Variants in UBR3 observed in about 807,000 individuals in gnomAD.
UBR3 encodes the protein ubiquitin protein ligase E3 component n-recognin 3, also known as E3 ubiquitin-protein ligase UBR3.
Under a neutral mutation model 243.2 loss-of-function variants are expected in UBR3, and 85 were observed. The ratio of observed to expected loss-of-function variants is 0.35; its 90% confidence interval spans 0.29 to 0.42. UBR3 has a LOEUF of 0.42. Ranked by LOEUF, UBR3 falls within the 10% of genes least tolerant of loss-of-function variation. UBR3 has a pLI of 1.00. For missense variants in UBR3, 1,686 were observed against 2,300.8 expected, an observed-to-expected ratio of 0.73 and a Z score of 5.47; for synonymous variants, 748 against 799.8, an observed-to-expected ratio of 0.94 and a Z score of 1.09.
rs1394725941 is a variant in UBR3, at chr2:169,836,058, TATA to T, written c.545+8007_545+8009del. On this transcript the variant is annotated intron_variant, in intron 1 of 38. Coordinates refer to ENST00000272793, the MANE Select transcript of UBR3 (RefSeq NM_172070.4). The stretch of plus-strand genomic sequence containing the variant: ...CTCTCTCTCTCTATATATATATATA[TATA>T]TATATATTTTTTTTTTTTTTTTTTT... Among the ~76,000 whole-genome samples, 46 of 58,182 alleles carry T rather than the reference TATA, an allele frequency of 7.9e-4. 1 individual carries two copies. Among genetic ancestry groups the T allele is most frequent in the South Asian group, 1.2e-3 (2 of 1,610 alleles). 38.2% of individuals were successfully genotyped at this position (58,182 alleles called of 152,430 possible). A position where few individuals can be genotyped will look rare whatever the true frequency, so the allele number is the denominator to read the frequency against.
chr2:170,012,570 A>T (rs1031336790), intron 29 of UBR3, among the ~76,000 whole-genome samples: 14 of 152,160 alleles, frequency 9.2e-5, no homozygotes, highest in African/African-American at 3.4e-4. Context: ...GAAATATAAA[A>T]TATGTGTAAG....
At chr2:169,944,933 A>T (rs1574257798) in intron 20 of UBR3, among the ~76,000 whole-genome samples, 1 of 152,172 alleles carries the variant, frequency 6.6e-6, no homozygotes, top group African/African-American at 2.4e-5. Context: ...TCTCCATAAC[A>T]TAGTGGATCA....
chr2:170,009,006 A>AAATC, intron 29 of UBR3, 66 bp downstream of exon 29: 1 of 1,087,280 alleles, frequency 9.2e-7, no homozygotes, highest in Non-Finnish European at 1.2e-6. Flanking sequence ...TTATTTAATA[A>AAATC]ATATTTGTTT....
At chr2:169,962,749 C>CT (rs11355793) in intron 24 of UBR3, among the ~76,000 whole-genome samples, 3 of 151,740 alleles carry the variant, frequency 2.0e-5, no homozygotes, top group South Asian at 4.2e-4. Context: ...TAGGGTGTTT[C>CT]TTTTTTTTCT....
chr2:170,079,802 A>T lies in UBR3; in HGVS notation c.5200-12A>T. The T allele has an allele frequency of 1.3e-6, 2 of 1,597,836 alleles. No individual in the cohort carries two copies. The highest frequency in any genetic ancestry group is 1.1e-5 in the South Asian group (1 of 87,874). ...ACATAAAACTAATGAATATTTTTGG[A>T]TAATGTTTTAGGCCTTGCTTATCCA... On this transcript the variant is annotated splice_polypyrimidine_tract_variant and intron_variant, in intron 36 of 38. Transcript: ENST00000272793.
At chr2:170,001,918 A>AAAAAAAAAAAAAAAAAAAAAAAAAAAAC (rs2089718950) in intron 27 of UBR3, among the ~76,000 whole-genome samples, 1 of 53,172 alleles carries the variant, frequency 1.9e-5, no homozygotes, top group Non-Finnish European at 4.8e-5. Flanking sequence ...ATCTCAAAAA[A>AAAAAAAAAAAAAAAAAAAAAAAAAAAAC]AAAAAAAAAA....
chr2:169,868,939 C>T (rs1028914600), intron 1 of UBR3, among the ~76,000 whole-genome samples: 1 of 152,102 alleles, frequency 6.6e-6, no homozygotes, highest in African/African-American at 2.4e-5. Context: ...CCTTTATTCC[C>T]CTCTGTCACT....
At chr2:170,049,289 T>G (rs1424943952) in intron 32 of UBR3, among the ~76,000 whole-genome samples, 7 of 152,200 alleles carry the variant, frequency 4.6e-5, no homozygotes, top group Non-Finnish European at 1.0e-4. Flanking sequence ...AGAGAAAATA[T>G]ATTTACTATT....
rs1412139928 is a variant in UBR3 at position 169,971,386 on chromosome 2, A to G, written c.3634+12860A>G. The stretch of plus-strand genomic sequence containing the variant: ...TGCCATTGCTTTTGGTGTTTTAGAC[A>G]TGAAGTCCTTGCCCATGCCTATGTC... On this transcript the variant is annotated intron_variant, in intron 24 of 38. Transcript: ENST00000272793. Among the ~76,000 whole-genome samples, 6 of 150,968 alleles carry G rather than the reference A, an allele frequency of 4.0e-5. No individual in the cohort carries two copies. The East Asian group carries it at 5.8e-4, about 15-fold the overall frequency.
At chr2:170,017,586 G>T (rs2090284430) in intron 30 of UBR3, among the ~76,000 whole-genome samples, 1 of 149,270 alleles carries the variant, frequency 6.7e-6, no homozygotes, top group South Asian at 2.1e-4. Context: ...CACACACAGG[G>T]GGAGAAGGGA....
At chr2:169,886,470 G>A (rs1317189059) in intron 5 of UBR3, among the ~76,000 whole-genome samples, 3 of 152,052 alleles carry the variant, frequency 2.0e-5, no homozygotes, top group African/African-American at 7.2e-5. Context: ...TGTAACTTTC[G>A]CATATTTCTT....
intron 11 of UBR3, 62 bp from the exon 12 acceptor site, chr2:169,923,867 C>A: frequency 7.4e-7 from 1 of 1,358,722 alleles, no homozygotes. Flanking sequence ...AAACATTTTA[C>A]AACCATCTTA....
chr2:169,937,624 G>A (rs1330807082), intron 19 of UBR3, among the ~76,000 whole-genome samples: 2 of 152,042 alleles, frequency 1.3e-5, no homozygotes, highest in African/African-American at 4.8e-5. Context: ...TTTCCTCTAG[G>A]GTTTTTATGG....
intron 27 of UBR3, among the ~76,000 whole-genome samples, chr2:170,005,079 C>T (rs1176461396): frequency 6.6e-6 from 1 of 152,086 alleles, no homozygotes; most frequent in African/African-American, 2.4e-5. Context: ...CAAAAATTAG[C>T]CGGGCGCTGT....
intron 11 of UBR3, among the ~76,000 whole-genome samples, chr2:169,922,598 C>T (rs1180314973): frequency 1.3e-5 from 2 of 152,140 alleles, no homozygotes; most frequent in African/African-American, 2.4e-5. Context: ...AATAGCTACT[C>T]CCCATTTCCT....
intron 31 of UBR3, among the ~76,000 whole-genome samples, chr2:170,033,575 A>T (rs929180477): frequency 6.3e-5 from 1 of 15,926 alleles, no homozygotes; most frequent in South Asian, 2.7e-3. Context: ...TGGTTTTTCC[A>T]CACCCACCCC....
intron 32 of UBR3, among the ~76,000 whole-genome samples, chr2:170,047,994 G>GAAAT (rs1409543037): frequency 6.6e-6 from 1 of 152,110 alleles, no homozygotes; most frequent in East Asian, 1.9e-4. Flanking sequence ...ATGGTGGCGA[G>GAAAT]AAATAAAAAT....
intron 1 of UBR3, among the ~76,000 whole-genome samples, chr2:169,836,680 T>C (rs993851291): frequency 6.6e-6 from 1 of 151,884 alleles, no homozygotes; most frequent in Admixed American, 6.6e-5. Flanking sequence ...TATATATAAA[T>C]TTATAATATT....
At chr2:169,917,138 A>T (rs1468946813) in intron 11 of UBR3, among the ~76,000 whole-genome samples, 5 of 152,084 alleles carry the variant, frequency 3.3e-5, no homozygotes, top group Non-Finnish European at 5.9e-5. Context: ...CCTTCAACCT[A>T]GATTTTGTAC....
Sources: allele counts gnomAD v4.1 joint callset (sites outside exome capture counted in the v4.1 genomes callset), GRCh38; gene constraint gnomAD v4.1.1; transcripts MANE v1.5; gene names NCBI Gene and HGNC (gene_info 2026-07-23, HGNC 2026-07-21).